The following INPP4B variants were observed in gnomAD, a reference collection of about 807,000 sequenced individuals.
INPP4B encodes the protein inositol polyphosphate 4-phosphatase type II.
In INPP4B, 55 loss-of-function variants were observed where a neutral mutation model predicts 122.5. The observed-to-expected ratio is 0.45, with a 90% CI of 0.36 to 0.56. The LOEUF (loss-of-function observed/expected upper bound fraction) is 0.56. INPP4B is among the 20% of genes least tolerant of loss of function. The pLI is 0.00. For missense variants in INPP4B, 1,000 were observed against 1,097.7 expected (o/e 0.91, Z 1.26); for synonymous variants, 403 against 388.7 (o/e 1.04, Z -0.43).
At chr4:142,407,678 A>G (rs1402097800) in intron 5 of INPP4B, among the ~76,000 whole-genome samples, 1 of 152,144 alleles carries the variant, frequency 6.6e-6, no homozygotes, top group Non-Finnish European at 1.5e-5. Context: ...TACAGCTCAG[A>G]GGATTTACTG....
chr4:142,087,324 G>A (rs535685277), intron 23 of INPP4B, among the ~76,000 whole-genome samples: 2 of 152,326 alleles, frequency 1.3e-5, no homozygotes, highest in South Asian at 2.1e-4. Flanking sequence ...AGCAGGAAAT[G>A]ACACTGGTTG....
chr4:142,781,164 G>A (rs931659770), intron 1 of INPP4B, among the ~76,000 whole-genome samples: 3 of 152,186 alleles, frequency 2.0e-5, no homozygotes, highest in Non-Finnish European at 4.4e-5. Flanking sequence ...ACAGGATGAG[G>A]TGTTTCATTT....
intron 25 of INPP4B, among the ~76,000 whole-genome samples, chr4:142,049,842 A>G (rs915046344): frequency 3.3e-5 from 5 of 152,070 alleles, no homozygotes; most frequent in Non-Finnish European, 7.4e-5. Context: ...ATTTCTTTCC[A>G]GAAAGATGAA....
At chr4:142,611,697 C>T in intron 2 of INPP4B, among the ~76,000 whole-genome samples, 1 of 113,350 alleles carries the variant, frequency 8.8e-6, no homozygotes, top group African/African-American at 3.5e-5. Context: ...AGGCTGGAGT[C>T]TGGCTGTGTC....
intron 1 of INPP4B, among the ~76,000 whole-genome samples, chr4:142,839,456 A>T (rs1327488753): frequency 6.6e-6 from 1 of 152,074 alleles, no homozygotes; most frequent in African/African-American, 2.4e-5. Context: ...AAAAAAAATG[A>T]CATAGGACAT....
intron 2 of INPP4B, among the ~76,000 whole-genome samples, chr4:142,530,290 A>G (rs1336596040): frequency 1.3e-5 from 2 of 151,982 alleles, no homozygotes; most frequent in African/African-American, 4.8e-5. Context: ...AAGCCCTAGG[A>G]GAGAATCAAT....
chr4:142,476,891 G>A (rs1819861988), intron 2 of INPP4B, among the ~76,000 whole-genome samples: 2 of 152,058 alleles, frequency 1.3e-5, no homozygotes, highest in South Asian at 4.1e-4. Flanking sequence ...GATAGTATGA[G>A]AGTGATTATC....
chr4:142,624,030 C>T (rs957519827), intron 2 of INPP4B, among the ~76,000 whole-genome samples: 2 of 151,946 alleles, frequency 1.3e-5, no homozygotes, highest in Non-Finnish European at 2.9e-5. Context: ...AATAAACATA[C>T]GTGTGCATGT....
chr4:142,246,921 T>C (rs1173553781), intron 11 of INPP4B, among the ~76,000 whole-genome samples: 1 of 152,204 alleles, frequency 6.6e-6, no homozygotes, highest in Non-Finnish European at 1.5e-5. Context: ...CAGTGTGATA[T>C]TGGCTGTGGG....
chr4:142,652,305 C>T (rs1452289950), intron 2 of INPP4B, among the ~76,000 whole-genome samples: 2 of 152,068 alleles, frequency 1.3e-5, no homozygotes, highest in South Asian at 2.1e-4. Context: ...CTTTGAAAAC[C>T]AGCACAAGAC....
At chr4:142,320,831 C>A (rs1478462101) in intron 7 of INPP4B, among the ~76,000 whole-genome samples, 3 of 152,122 alleles carry the variant, frequency 2.0e-5, no homozygotes, top group Non-Finnish European at 2.9e-5. Flanking sequence ...TATTTGATTT[C>A]TTTTTATGGC....
chr4:142,756,660 A>G (rs1156485212), intron 1 of INPP4B, among the ~76,000 whole-genome samples: 1 of 152,128 alleles, frequency 6.6e-6, no homozygotes, highest in Non-Finnish European at 1.5e-5. Flanking sequence ...ATAGATGAGT[A>G]AGGACAACAC....
chr4:142,582,205 A>C (rs2150206905), intron 2 of INPP4B, among the ~76,000 whole-genome samples: 1 of 151,986 alleles, frequency 6.6e-6, no homozygotes, highest in South Asian at 2.1e-4. Context: ...CAAAAAAAAA[A>C]AAATCTACTC....
intron 2 of INPP4B, among the ~76,000 whole-genome samples, chr4:142,598,108 T>A (rs1739103344): frequency 6.6e-6 from 1 of 152,060 alleles, no homozygotes; most frequent in Non-Finnish European, 1.5e-5. Context: ...AACAGAGAAC[T>A]CATGGGGACC....
chr4:142,469,857 T>C (rs1463761017), intron 2 of INPP4B, among the ~76,000 whole-genome samples: 1 of 152,116 alleles, frequency 6.6e-6, no homozygotes, highest in Non-Finnish European at 1.5e-5. Flanking sequence ...AGGTTGCATA[T>C]AGATAGCGAA....
intron 2 of INPP4B, among the ~76,000 whole-genome samples, chr4:142,708,253 A>G (rs919271508): frequency 4.6e-5 from 7 of 152,238 alleles, no homozygotes; most frequent in African/African-American, 7.2e-5. Context: ...GAAGCAGAGC[A>G]TAAAAGTTTA....
At chr4:142,390,387 A>C (rs891430511) in intron 7 of INPP4B, among the ~76,000 whole-genome samples, 1 of 152,148 alleles carries the variant, frequency 6.6e-6, no homozygotes, top group Non-Finnish European at 1.5e-5. Context: ...CTTTTCAAAA[A>C]TTTTTGAGTC....
chr4:142,372,171 T>C (rs957615760), intron 7 of INPP4B, among the ~76,000 whole-genome samples: 18 of 152,030 alleles, frequency 1.2e-4, no homozygotes, highest in African/African-American at 4.1e-4. Flanking sequence ...TTAAATGAAA[T>C]AAGCCAGGCA....
intron 2 of INPP4B, among the ~76,000 whole-genome samples, chr4:142,523,635 T>C (rs192884372): frequency 2.0e-5 from 3 of 152,260 alleles, no homozygotes; most frequent in Non-Finnish European, 4.4e-5. Flanking sequence ...GCTTTTCTTT[T>C]TTCAATAAAA....
Sources: gnomAD v4.1 joint callset for allele counts (sites outside exome capture counted in the v4.1 genomes callset) on GRCh38, gnomAD v4.1.1 for gene constraint, MANE v1.5 for transcripts, NCBI Gene and HGNC (gene_info 2026-07-23, HGNC 2026-07-21) for gene names.